LARP4: variants seen among roughly 807,000 people sequenced by gnomAD.
The protein encoded by LARP4 is la-related protein 4.
LARP4 carries 29 observed loss-of-function variants against 92.9 expected under a neutral mutation model. That is an observed-to-expected ratio of 0.31 (90% CI 0.23 to 0.43). The LOEUF is 0.43. Among genes scored for constraint, LARP4 ranks in the 20% least tolerant of loss-of-function variants. LARP4 has a pLI of 1.00. For synonymous variants in LARP4, 279 were observed against 284.1 expected (o/e 0.98, Z 0.18); for missense variants, 732 against 860.0 (o/e 0.85, Z 1.86).
chr12:50,467,223 C>A, intron 13 of LARP4, 103 bp downstream of exon 13: 1 of 850,666 alleles, frequency 1.2e-6, no homozygotes, highest in African/African-American at 1.7e-5. Context: ...ACATTTCTAT[C>A]ATAGTTTTTA....
At chr12:50,405,178 C>T (rs1377311214) in intron 1 of LARP4, among the ~76,000 whole-genome samples, 21 of 152,082 alleles carry the variant, frequency 1.4e-4, no homozygotes, top group Non-Finnish European at 2.9e-5. Flanking sequence ...GGATTATAGG[C>T]GTGAGCCACC....
At chr12:50,464,327 G>A (rs926086136) in intron 12 of LARP4, among the ~76,000 whole-genome samples, 1 of 152,220 alleles carries the variant, frequency 6.6e-6, no homozygotes, top group Admixed American at 6.5e-5. Flanking sequence ...TTTATACATG[G>A]CAGAAGTAGG....
At chr12:50,436,570 A>G (rs1446358901) in intron 5 of LARP4, among the ~76,000 whole-genome samples, 1 of 152,180 alleles carries the variant, frequency 6.6e-6, no homozygotes, top group Admixed American at 6.5e-5. Context: ...ACAACCTACT[A>G]ATGAGTTGCT....
At chr12:50,415,730 C>G (rs1341620743) in intron 1 of LARP4, 1 of 150,284 alleles carries the variant, frequency 6.7e-6, no homozygotes, top group Non-Finnish European at 1.5e-5. Context: ...ACTTTGTTAC[C>G]CCGGCTGGAG....
Position 50,430,551 on chromosome 12 carries a change from T to C in LARP4, c.379T>C (p.Leu127=). 1.9e-6 allele frequency: 3 copies of C among 1,602,582 alleles called. No homozygotes were observed. The highest frequency in any genetic ancestry group is 2.6e-6 in the Non-Finnish European group (3 of 1,171,020). Residue 127 remains leucine, a synonymous_variant, in exon 4 of 16, where the codon TTA becomes CTA. Coordinates refer to ENST00000398473, the MANE Select transcript of LARP4 (RefSeq NM_052879.5). ...EDLKECLKKQ[L]EFCFSRENLS... ...CCTAAAAGAATGTCTGAAGAAACAA[T>C]TAGAATTCTGTTTTTCACGGTATTG...
intron 1 of LARP4, chr12:50,416,364 C>G (rs1250638110): frequency 6.6e-6 from 1 of 152,180 alleles, no homozygotes; most frequent in African/African-American, 2.4e-5. Context: ...AGAGCGTCTA[C>G]TGCACCTTTC....
intron 4 of LARP4, among the ~76,000 whole-genome samples, chr12:50,431,199 C>A (rs185906146): frequency 1.3e-5 from 2 of 151,848 alleles, no homozygotes; most frequent in Non-Finnish European, 2.9e-5. Flanking sequence ...ACCCCGGAGG[C>A]GAAGGTTGTG....
chr12:50,402,046 A>T (rs1943952088), intron 1 of LARP4, among the ~76,000 whole-genome samples: 2 of 152,120 alleles, frequency 1.3e-5, no homozygotes. Context: ...TATGCCCATA[A>T]GAAGAATCTT....
chr12:50,423,066 C>A (rs760859537), intron 1 of LARP4, among the ~76,000 whole-genome samples: 1 of 152,006 alleles, frequency 6.6e-6, no homozygotes, highest in East Asian at 1.9e-4. Context: ...GTGATCCACC[C>A]GCCTCAGCCT....
chr12:50,460,077 G>T (rs1312554687), intron 10 of LARP4, among the ~76,000 whole-genome samples: 1 of 151,736 alleles, frequency 6.6e-6, no homozygotes, highest in Admixed American at 6.6e-5. Flanking sequence ...AGAGGTTGCA[G>T]TGAGCCGAGA....
At chr12:50,462,740 A>G in intron 12 of LARP4, 110 bp downstream of exon 12, 1 of 752,378 alleles carries the variant, frequency 1.3e-6, no homozygotes, top group East Asian at 2.7e-5. Flanking sequence ...TGTAGTCTTC[A>G]GCAAAGGTAA....
In LARP4 at chr12:50,419,687, G is replaced by C. The variant is rs571414254; in HGVS notation, c.19-8075G>C. Among the ~76,000 whole-genome samples, 7 of 152,162 alleles carry C rather than the reference G, an allele frequency of 4.6e-5. No individual in the cohort carries two copies. The South Asian group carries it at 1.5e-3, about 32-fold the overall frequency. ...TTTCGGAGACCAAGGTGAGATGATC[G>C]TTTGAGGCCAGGAGTTCAAGACTGG... On this transcript the variant is annotated intron_variant, in intron 1 of 15. Coordinates refer to ENST00000398473, the MANE Select transcript of LARP4 (RefSeq NM_052879.5).
At chr12:50,436,246 G>GTATA (rs140893670) in intron 5 of LARP4, among the ~76,000 whole-genome samples, 3 of 148,066 alleles carry the variant, frequency 2.0e-5, no homozygotes, top group South Asian at 2.1e-4. Flanking sequence ...ATGTGTGTAT[G>GTATA]TATATATATA....
At chr12:50,430,364 T>A in intron 3 of LARP4, 131 bp from the exon 4 acceptor site, 1 of 578,538 alleles carries the variant, frequency 1.7e-6, no homozygotes, top group Non-Finnish European at 3.1e-6. Context: ...ACCCTGTTTC[T>A]CTGAAACAAT....
chr12:50,447,991 C>T (rs1209262426), intron 8 of LARP4, among the ~76,000 whole-genome samples: 2 of 152,010 alleles, frequency 1.3e-5, no homozygotes, highest in Non-Finnish European at 2.9e-5. Flanking sequence ...CTCAGCCTCC[C>T]GAGTAGCTGG....
Position 50,462,565 on chromosome 12 carries a change from C to T in LARP4, c.1335-17C>T. 1 of 1,500,220 alleles carries T rather than the reference C, an allele frequency of 6.7e-7. No individual in the cohort carries two copies. Among genetic ancestry groups the T allele is most frequent in the African/African-American group, 1.4e-5 (1 of 71,274 alleles). The allele number at this position is 1,500,220 out of a possible 1,614,324, so 92.9% of individuals were successfully genotyped here. On this transcript the variant is annotated splice_polypyrimidine_tract_variant and intron_variant, in intron 11 of 15. Coordinates refer to ENST00000398473, the MANE Select transcript of LARP4 (RefSeq NM_052879.5). ...TCCCTCCACCCCACCCCACCCCCACCTTTTTCTTATTAAAAGGAGAACTCT... is the reference window on the plus strand; with the variant it reads ...TCCCTCCACCCCACCCCACCCCCACTTTTTTCTTATTAAAAGGAGAACTCT...
At position 50,441,982 on chromosome 12, in the gene LARP4, G is replaced by A. The variant is rs917991373; in HGVS notation, c.804+339G>A. 3.9e-5 allele frequency among the ~76,000 whole-genome samples: 6 copies of A among 152,296 alleles called. No homozygotes were observed. The South Asian group carries it at 6.2e-4, about 16-fold the overall frequency. On this transcript the variant is annotated intron_variant, in intron 8 of 15. Coordinates refer to ENST00000398473, the MANE Select transcript of LARP4 (RefSeq NM_052879.5). Reference sequence around the variant, plus strand: ...GGAGAACTGCTTTAACCCGGGAGGCGTAGGTTGCAGTGAGCAGAGATTGCA... The same window carrying A: ...GGAGAACTGCTTTAACCCGGGAGGCATAGGTTGCAGTGAGCAGAGATTGCA...
rs1024742468 is a variant in LARP4, at chr12:50,424,208, A to G, written c.19-3554A>G. 3.3e-5 allele frequency among the ~76,000 whole-genome samples: 5 copies of G among 151,978 alleles called. No homozygotes were observed. In the South Asian group the frequency reaches 1.0e-3, roughly 32 times the overall value. On this transcript the variant is annotated intron_variant, in intron 1 of 15. Transcript: ENST00000398473. Reference sequence around the variant, plus strand: ...ACATAATGAAAACCCAACTCTGCCAAATTTTTTTTTAATTAGTGGAGCATG... The same window carrying G: ...ACATAATGAAAACCCAACTCTGCCAGATTTTTTTTTAATTAGTGGAGCATG...
chr12:50,455,176 T>A (rs1043701997), intron 10 of LARP4, among the ~76,000 whole-genome samples: 1 of 152,202 alleles, frequency 6.6e-6, no homozygotes, highest in Admixed American at 6.5e-5. Flanking sequence ...TTTTTCTTTA[T>A]GTAGACATCA....
Sources: gnomAD v4.1 joint callset for allele counts (sites outside exome capture counted in the v4.1 genomes callset) on GRCh38, gnomAD v4.1.1 for gene constraint, MANE v1.5 for transcripts, NCBI Gene and HGNC (gene_info 2026-07-23, HGNC 2026-07-21) for gene names.